SLC44A5: variants seen among roughly 807,000 people sequenced by gnomAD.
The protein encoded by SLC44A5 is choline transporter-like protein 5.
SLC44A5 carries 57 observed loss-of-function variants against 101.8 expected under a neutral mutation model. That is an observed-to-expected ratio of 0.56 (90% CI 0.45 to 0.70). The LOEUF (loss-of-function observed/expected upper bound fraction) is 0.70, where lower values mean the gene tolerates loss of function less well. SLC44A5 is among the 30% of genes least tolerant of loss of function. The pLI is 0.00. For synonymous variants in SLC44A5, 281 were observed against 290.9 expected, an observed-to-expected ratio of 0.97 and a Z score of 0.35; for missense variants, 737 against 853.1, an observed-to-expected ratio of 0.86 and a Z score of 1.70.
At chr1:75,653,820 A>G in the SLC44A5 span, among the ~76,000 whole-genome samples, 1 of 152,242 alleles carries the variant, frequency 6.6e-6, no homozygotes, top group Non-Finnish European at 1.5e-5. Context: ...GCCTAAGTCA[A>G]TTGTCAGAAC....
intron 13 of SLC44A5, among the ~76,000 whole-genome samples, chr1:75,224,027 C>G (rs1465139564): frequency 6.6e-6 from 1 of 152,188 alleles, no homozygotes; most frequent in Non-Finnish European, 1.5e-5. Flanking sequence ...AAAATAATTA[C>G]ATTAGAGAAA....
chr1:75,681,339 A>G, the SLC44A5 span, among the ~76,000 whole-genome samples: 24 of 152,190 alleles, frequency 1.6e-4, no homozygotes, highest in African/African-American at 5.8e-4. Flanking sequence ...CTTGATGAAC[A>G]TTGATGCACA....
chr1:75,392,136 T>A (rs554071964), intron 3 of SLC44A5, among the ~76,000 whole-genome samples: 14 of 151,826 alleles, frequency 9.2e-5, no homozygotes, highest in African/African-American at 3.4e-4. Context: ...AGGGACAGAA[T>A]GGGAACCTGT....
In SLC44A5 at chr1:75,311,237, C is replaced by G. The variant is rs146726906; in HGVS notation, c.102-10552G>C. Among the ~76,000 whole-genome samples the G allele has an allele frequency of 5.5e-3, 833 of 152,206 alleles. 13 individuals carry two copies. The highest frequency in any genetic ancestry group is 0.019 in the African/African-American group (789 of 41,536). On this transcript the variant is annotated intron_variant, in intron 4 of 23. Transcript: ENST00000370859. ...GTTCAAGCGATTCTCCTGCCTCAGC[C>G]TCCCGAGTAGCTGGGATTACAGGCA...
intron 1 of SLC44A5, among the ~76,000 whole-genome samples, chr1:75,547,142 A>G (rs1671692647): frequency 6.6e-6 from 1 of 152,222 alleles, no homozygotes; most frequent in Non-Finnish European, 1.5e-5. Flanking sequence ...GGATAAGACC[A>G]CACTGAAGAT....
chr1:75,459,974 G>T (rs1477012741), intron 2 of SLC44A5, among the ~76,000 whole-genome samples: 2 of 152,188 alleles, frequency 1.3e-5, no homozygotes, highest in African/African-American at 4.8e-5. Flanking sequence ...AAACCAGGAA[G>T]AAGAAGTAGG....
At chr1:75,469,696 T>C (rs1356780697) in intron 2 of SLC44A5, among the ~76,000 whole-genome samples, 1 of 152,130 alleles carries the variant, frequency 6.6e-6, no homozygotes, top group African/African-American at 2.4e-5. Context: ...GGCAGAAGGA[T>C]TGCTTGAGAC....
intron 4 of SLC44A5, among the ~76,000 whole-genome samples, chr1:75,302,104 G>GTATTTTT (rs1654497456): frequency 2.0e-5 from 1 of 49,590 alleles, no homozygotes; most frequent in Non-Finnish European, 3.4e-5. Flanking sequence ...AGGTGCTCTA[G>GTATTTTT]TTTTTTTGTT....
intron 2 of SLC44A5, among the ~76,000 whole-genome samples, chr1:75,456,656 G>A (rs1394080798): frequency 6.6e-6 from 1 of 152,156 alleles, no homozygotes. Context: ...GGGGATTTGT[G>A]AGAGAATGAG....
intron 1 of SLC44A5, among the ~76,000 whole-genome samples, chr1:75,572,375 G>A (rs1051854657): frequency 1.3e-5 from 2 of 152,214 alleles, no homozygotes; most frequent in African/African-American, 2.4e-5. Context: ...TTAGTGAAGT[G>A]TTCAAGCAGA....
chr1:75,541,630 A>C, intron 1 of SLC44A5, 114 bp from the exon 2 acceptor site: 1 of 574,074 alleles, frequency 1.7e-6, no homozygotes, highest in Non-Finnish European at 2.9e-6. Flanking sequence ...CTCCCCAAAA[A>C]CTCAGAGAAT....
At chr1:75,435,387 T>C (rs150846595) in intron 2 of SLC44A5, among the ~76,000 whole-genome samples, 1 of 152,184 alleles carries the variant, frequency 6.6e-6, no homozygotes, top group Admixed American at 6.6e-5. Flanking sequence ...TTTAAATCAT[T>C]AATCTTTTAC....
chr1:75,228,968 A>T (rs978799324), intron 12 of SLC44A5, among the ~76,000 whole-genome samples: 2 of 151,760 alleles, frequency 1.3e-5, no homozygotes, highest in African/African-American at 2.4e-5. Context: ...TTATGCAGGC[A>T]AAGTTTGTTT....
At chr1:75,432,065 C>T (rs1219002764) in intron 2 of SLC44A5, among the ~76,000 whole-genome samples, 2 of 152,112 alleles carry the variant, frequency 1.3e-5, no homozygotes, top group Non-Finnish European at 2.9e-5. Flanking sequence ...CTTGTGACTC[C>T]TCCCCCTTCA....
At chr1:75,587,492 C>T (rs554524270) in intron 1 of SLC44A5, among the ~76,000 whole-genome samples, 3 of 152,120 alleles carry the variant, frequency 2.0e-5, no homozygotes, top group Non-Finnish European at 4.4e-5. Context: ...ATGTGAACCT[C>T]GTCAGTAGCT....
At chr1:75,249,780 T>C (rs1229530753) in intron 7 of SLC44A5, among the ~76,000 whole-genome samples, 2 of 152,176 alleles carry the variant, frequency 1.3e-5, no homozygotes, top group East Asian at 3.9e-4. Context: ...CATGGGATTC[T>C]GGGTTCTCCT....
intron 1 of SLC44A5, among the ~76,000 whole-genome samples, chr1:75,563,905 T>C (rs939127446): frequency 1.3e-5 from 2 of 152,126 alleles, no homozygotes; most frequent in Non-Finnish European, 2.9e-5. Flanking sequence ...AAAAGTTATA[T>C]TGGAAAAGAT....
intron 2 of SLC44A5, among the ~76,000 whole-genome samples, chr1:75,403,079 A>G (rs1384357262): frequency 6.6e-6 from 1 of 152,278 alleles, no homozygotes; most frequent in African/African-American, 2.4e-5. Context: ...AAAGCTGTTG[A>G]GAAGTTCGAA....
At chr1:75,448,141 C>T (rs1857353) in intron 2 of SLC44A5, among the ~76,000 whole-genome samples, 15,609 of 152,140 alleles carry the variant, frequency 0.1, 972 homozygotes, top group Admixed American at 0.19. Context: ...GGCTAAGTTG[C>T]TGTAACAAAG....
Sources: gnomAD v4.1 joint callset for allele counts (sites outside exome capture counted in the v4.1 genomes callset) on GRCh38, gnomAD v4.1.1 for gene constraint, MANE v1.5 for transcripts, NCBI Gene and HGNC (gene_info 2026-07-23, HGNC 2026-07-21) for gene names.